Variants in LRRK1 observed in about 807,000 individuals in gnomAD.
LRRK1 encodes the protein leucine-rich repeat serine/threonine-protein kinase 1.
Under a neutral mutation model 209.1 loss-of-function variants are expected in LRRK1, and 113 were observed. That is an observed-to-expected ratio of 0.54 (90% confidence interval 0.46 to 0.63). LRRK1 has a LOEUF of 0.63. Ranked by LOEUF, LRRK1 falls within the 30% of genes least tolerant of loss-of-function variation. The pLI, the probability that LRRK1 is intolerant of heterozygous loss-of-function variation, is 0.00. For missense variants in LRRK1, 2,284 were observed against 2,632.2 expected (o/e 0.87, Z 2.89); for synonymous variants, 1,144 against 1,099.7 (o/e 1.04, Z -0.80).
intron 29 of LRRK1, among the ~76,000 whole-genome samples, chr15:101,058,617 C>CGGGGAGTGGG (rs10668251): frequency 0.02 from 1,480 of 75,314 alleles, 148 homozygotes; most frequent in Non-Finnish European, 0.026. Flanking sequence ...GAAGGGGCAA[C>CGGGGAGTGGG]GGGGGGGGGC....
intron 2 of LRRK1, among the ~76,000 whole-genome samples, chr15:100,961,720 A>AG (rs1210673923): frequency 6.6e-6 from 1 of 151,090 alleles, no homozygotes; most frequent in Non-Finnish European, 1.5e-5. Context: ...CTTTGATGGC[A>AG]GGTGCTGGGG....
chr15:100,925,950 G>A (rs1473164354), intron 2 of LRRK1, among the ~76,000 whole-genome samples: 3 of 152,206 alleles, frequency 2.0e-5, no homozygotes, highest in Middle Eastern at 3.2e-3. Flanking sequence ...AGAGGCCCAC[G>A]TTTGTACCCT....
chr15:101,005,216 G>A (rs1268317471), intron 6 of LRRK1, among the ~76,000 whole-genome samples: 1 of 152,116 alleles, frequency 6.6e-6, no homozygotes, highest in African/African-American at 2.4e-5. Context: ...TTTTGACTTG[G>A]CATTGCAAAG....
intron 2 of LRRK1, among the ~76,000 whole-genome samples, chr15:100,971,344 A>G (rs960904280): frequency 6.7e-5 from 10 of 148,848 alleles, no homozygotes; most frequent in Non-Finnish European, 1.5e-4. Context: ...AAAAAAAAAA[A>G]AAAAGAAAAG....
chr15:101,055,165 A>G lies in LRRK1; in HGVS notation c.4274A>G (p.Glu1425Gly), dbSNP rs750184775. The change falls in exon 27 of 34, where the codon GAG becomes GGG. Residue 1425 changes from glutamate (E) to glycine (G), a missense_variant. Transcript: ENST00000388948. ...QSFHEGALGVEGTPGYQAPEI... is the reference protein window; with the variant it reads ...QSFHEGALGVGGTPGYQAPEI... ...TTCCATGAGGGCGCCCTAGGCGTGG[A>G]GGGCACTCCTGGCTACCAGGCCCCA... is the stretch of plus-strand genomic sequence containing the variant. The G allele has an allele frequency of 1.2e-6, 2 of 1,609,810 alleles. No homozygotes were observed. The highest frequency in any genetic ancestry group is 1.7e-6 in the Non-Finnish European group (2 of 1,177,632).
At chr15:101,006,755 AG>A (rs2032977164) in intron 6 of LRRK1, among the ~76,000 whole-genome samples, 1 of 152,228 alleles carries the variant, frequency 6.6e-6, no homozygotes, top group Admixed American at 6.5e-5. Flanking sequence ...GTGGAGAAAG[AG>A]GGGCAAAAGC....
At chr15:101,044,377 G>C (rs533585477) in intron 20 of LRRK1, among the ~76,000 whole-genome samples, 23 of 152,344 alleles carry the variant, frequency 1.5e-4, no homozygotes, top group African/African-American at 5.3e-4. Context: ...TGCAGACACT[G>C]TGCCCTGCCA....
intron 6 of LRRK1, among the ~76,000 whole-genome samples, chr15:100,993,983 C>T (rs536491528): frequency 2.4e-4 from 37 of 152,206 alleles, no homozygotes; most frequent in African/African-American, 8.7e-4. Flanking sequence ...TAGCACAGGC[C>T]CTGGCACATA....
At chr15:100,939,826 A>G (rs4075387) in intron 2 of LRRK1, among the ~76,000 whole-genome samples, 2 of 152,082 alleles carry the variant, frequency 1.3e-5, no homozygotes, top group East Asian at 1.9e-4. Flanking sequence ...TATTCATTCT[A>G]CTGAAAATAA....
At chr15:101,040,516 C>T (rs1296526447) in intron 20 of LRRK1, among the ~76,000 whole-genome samples, 1 of 152,004 alleles carries the variant, frequency 6.6e-6, no homozygotes, top group African/African-American at 2.4e-5. Flanking sequence ...TCTTTTATTT[C>T]ATCTATTACT....
At chr15:100,932,230 C>T (rs1315411230) in intron 2 of LRRK1, among the ~76,000 whole-genome samples, 2 of 152,200 alleles carry the variant, frequency 1.3e-5, no homozygotes, top group South Asian at 2.1e-4. Context: ...AAGTGATCCA[C>T]TCGTCTCGGC....
chr15:101,038,735 C>T (rs2034603684), intron 20 of LRRK1, among the ~76,000 whole-genome samples: 2 of 152,198 alleles, frequency 1.3e-5, no homozygotes, highest in East Asian at 1.9e-4. Flanking sequence ...TATCTACTCA[C>T]TATTTTGCCT....
At chr15:100,926,602 G>GA (rs995752880) in intron 2 of LRRK1, among the ~76,000 whole-genome samples, 7 of 151,112 alleles carry the variant, frequency 4.6e-5, no homozygotes, top group African/African-American at 1.5e-4. Context: ...TTGGGGCAGG[G>GA]GGGCGGGGAG....
chr15:101,021,045 C>A lies in LRRK1; in HGVS notation c.1610-8C>A, dbSNP rs1236284027. Reference sequence around the variant, plus strand: ...TTAAATGCAGTCTGCTTTGCCATGTCTTTGCAGCAAGTGTGCTGGAATTTC... The same window carrying A: ...TTAAATGCAGTCTGCTTTGCCATGTATTTGCAGCAAGTGTGCTGGAATTTC... On this transcript the variant is annotated splice_polypyrimidine_tract_variant and splice_region_variant and intron_variant, in intron 12 of 33. Coordinates refer to ENST00000388948, the MANE Select transcript of LRRK1 (RefSeq NM_024652.6). 1 of 1,614,084 alleles carries A rather than the reference C, an allele frequency of 6.2e-7. No individual in the cohort carries two copies.
chr15:100,964,631 C>T (rs186147721), intron 2 of LRRK1, among the ~76,000 whole-genome samples: 2 of 152,300 alleles, frequency 1.3e-5, no homozygotes, highest in South Asian at 2.1e-4. Flanking sequence ...GCTCTATTGA[C>T]GGAGGCAAAT....
intron 2 of LRRK1, among the ~76,000 whole-genome samples, chr15:100,946,043 C>T (rs941708879): frequency 6.6e-5 from 10 of 151,998 alleles, no homozygotes; most frequent in African/African-American, 1.7e-4. Context: ...GGGGAAATAG[C>T]GGTAAATATA....
intron 20 of LRRK1, among the ~76,000 whole-genome samples, chr15:101,036,939 G>T (rs533922476): frequency 1.3e-5 from 2 of 152,330 alleles, no homozygotes; most frequent in South Asian, 4.1e-4. Context: ...GGAGCTTGTG[G>T]GGAAGTTTTG....
chr15:101,052,887 G>T, intron 24 of LRRK1, 35 bp from the exon 25 acceptor site: 2 of 1,594,746 alleles, frequency 1.3e-6, no homozygotes, highest in Non-Finnish European at 1.7e-6. Flanking sequence ...CATCAGGGCG[G>T]GGGGGATGTG....
At chr15:100,963,824 C>T (rs1237461165) in intron 2 of LRRK1, among the ~76,000 whole-genome samples, 1 of 152,218 alleles carries the variant, frequency 6.6e-6, no homozygotes, top group Non-Finnish European at 1.5e-5. Context: ...TTTCCCCACA[C>T]TCATGACAGC....
Sources: gnomAD v4.1 joint callset for allele counts (sites outside exome capture counted in the v4.1 genomes callset) on GRCh38, gnomAD v4.1.1 for gene constraint, MANE v1.5 for transcripts, NCBI Gene and HGNC (gene_info 2026-07-23, HGNC 2026-07-21) for gene names.